VPS13C: variants seen among roughly 807,000 people sequenced by gnomAD.
The protein encoded by VPS13C is intermembrane lipid transfer protein VPS13C.
Under a neutral mutation model 456.8 loss-of-function variants are expected in VPS13C, and 358 were observed. The observed-to-expected ratio is 0.78, with a 90% confidence interval of 0.72 to 0.86. The LOEUF (loss-of-function observed/expected upper bound fraction) is 0.86, where lower values mean the gene tolerates loss of function less well. Ranked by LOEUF, VPS13C falls within the 40% of genes least tolerant of loss-of-function variation. VPS13C has a pLI of 0.00. For missense variants in VPS13C, 4,818 were observed against 4,385.4 expected, an observed-to-expected ratio of 1.10 and a Z score of -2.79; for synonymous variants, 1,578 against 1,486.7, an observed-to-expected ratio of 1.06 and a Z score of -1.41.
chr15:61,930,962 T>A, intron 50 of VPS13C, 128 bp downstream of exon 50: 1 of 1,071,006 alleles, frequency 9.3e-7, no homozygotes, highest in South Asian at 1.4e-5. Context: ...TTAATGCAAT[T>A]CAAATCAGGA....
intron 48 of VPS13C, 94 bp from the exon 49 acceptor site, chr15:61,934,425 G>T: frequency 1.6e-6 from 1 of 607,232 alleles, no homozygotes; most frequent in Non-Finnish European, 2.6e-6. Context: ...TTTATATGAC[G>T]CTTTCTGGGA....
In VPS13C at chr15:62,037,428, AAATAT is replaced by A. The variant is rs1484744319; in HGVS notation, c.188-2381_188-2377del. ...TAAATATATATAATATGTTATATAT[AAATAT>A]AATATATATTAAATAAATATATAAA... On this transcript the variant is annotated intron_variant, in intron 3 of 84. Transcript: ENST00000644861. Among the ~76,000 whole-genome samples, 248 of 69,550 alleles carry A rather than the reference AAATAT, an allele frequency of 3.6e-3. 3 individuals are homozygous for A. The highest frequency in any genetic ancestry group is 6.7e-3 in the Non-Finnish European group (208 of 30,856). The allele number at this position is 69,550 out of a possible 152,430, so 45.6% of individuals were successfully genotyped here. A position where few individuals can be genotyped will look rare whatever the true frequency, so the allele number is the denominator to read the frequency against.
chr15:61,982,674 C>T, intron 20 of VPS13C, 101 bp from the exon 21 acceptor site: 1 of 721,372 alleles, frequency 1.4e-6, no homozygotes. Flanking sequence ...TAGCTTTGAA[C>T]TGTGGAACTC....
At position 62,034,998 on chromosome 15, in the gene VPS13C, G is replaced by T; in HGVS notation, c.242C>A (p.Ala81Glu). Residue 81 changes from alanine to glutamate, a missense_variant, in exon 4 of 85, where the codon GCG becomes GAG. By Grantham distance (107) the Ala-to-Glu change is moderately radical. This residue lies in a region of VPS13C where 4,552 missense variants were observed against 4,130.6 expected (regional missense o/e 1.10). Coordinates refer to ENST00000644861, the MANE Select transcript of VPS13C (RefSeq NM_020821.3). The part of the protein sequence containing the change: ...WKNLYGEAVV[A>E]TLEGLYLLVV... ...AAGCAGGTATAATCCTTCCAGGGTC[G>T]CAACAACTGCTTCTCCATAAAGGTT... 1.2e-6 allele frequency: 2 copies of T among 1,601,790 alleles called. No homozygotes were observed. Among genetic ancestry groups the T allele is most frequent in the Non-Finnish European group, 8.5e-7 (1 of 1,173,076 alleles).
rs77722442 is a variant in VPS13C, at chr15:61,995,721, G to A, written c.1354-3919C>T. On this transcript the variant is annotated intron_variant, in intron 16 of 84. Coordinates refer to ENST00000644861, the MANE Select transcript of VPS13C (RefSeq NM_020821.3). ...GCCACGAAGAGCTAAATTCTGCCAA[G>A]GAAAGTGGATCCTCCATCAGTCACG... Among the ~76,000 whole-genome samples the A allele has an allele frequency of 3.9e-4, 59 of 152,318 alleles. 1 individual carries two copies. In the East Asian group the frequency reaches 9.8e-3, roughly 25 times the overall value.
chr15:62,044,712 T>C (rs943163866), intron 1 of VPS13C, among the ~76,000 whole-genome samples: 14 of 152,312 alleles, frequency 9.2e-5, no homozygotes, highest in South Asian at 4.1e-4. Context: ...CCAAACATTC[T>C]ACCTTCCCAA....
At chr15:61,872,635 G>GT (rs1895119702) in intron 78 of VPS13C, among the ~76,000 whole-genome samples, 1 of 152,042 alleles carries the variant, frequency 6.6e-6, no homozygotes, top group Non-Finnish European at 1.5e-5. Context: ...AGTAATGGTA[G>GT]TAAAATACCT....
At chr15:61,989,732 A>G (rs771046911) in intron 18 of VPS13C, among the ~76,000 whole-genome samples, 2 of 152,208 alleles carry the variant, frequency 1.3e-5, no homozygotes, top group African/African-American at 2.4e-5. Flanking sequence ...GCACCAACCT[A>G]ATACTACTAC....
intron 8 of VPS13C, among the ~76,000 whole-genome samples, chr15:62,022,821 T>C (rs1160097270): frequency 6.6e-6 from 1 of 151,980 alleles, no homozygotes; most frequent in Non-Finnish European, 1.5e-5. Context: ...GCAATGCATA[T>C]TGTTCAAAAT....
At chr15:61,951,649 C>A (rs1170141467) in intron 39 of VPS13C, among the ~76,000 whole-genome samples, 175 bp downstream of exon 39, 1 of 151,874 alleles carries the variant, frequency 6.6e-6, no homozygotes, top group Non-Finnish European at 1.5e-5. Context: ...ATAAATTAAC[C>A]CAGCTTTTCA....
chr15:61,882,060 G>GT (rs1416323299), intron 69 of VPS13C, among the ~76,000 whole-genome samples: 2 of 152,146 alleles, frequency 1.3e-5, no homozygotes, highest in African/African-American at 4.8e-5. Flanking sequence ...ACAGTGTGCA[G>GT]TATGTACATC....
At position 61,961,482 on chromosome 15, in the gene VPS13C, G is replaced by T. The variant is rs2045205868; in HGVS notation, c.3908+107C>A. 8.3e-6 allele frequency: 9 copies of T among 1,090,786 alleles called. No individual in the cohort carries two copies. In the Admixed American group the frequency reaches 2.1e-4, roughly 25 times the overall value. The allele number at this position is 1,090,786 out of a possible 1,614,324, so 67.6% of individuals were successfully genotyped here. Reference sequence around the variant, plus strand: ...AATAAAAAAAACTGTTCCGTGTAATGGAACAGTTTATTTGAATAAACTGTG... The same window carrying T: ...AATAAAAAAAACTGTTCCGTGTAATTGAACAGTTTATTTGAATAAACTGTG... On this transcript the variant is annotated intron_variant, in intron 35 of 84. Transcript: ENST00000644861.
chr15:61,875,985 A>T, intron 75 of VPS13C, 140 bp from the exon 76 acceptor site: 2 of 584,614 alleles, frequency 3.4e-6, no homozygotes, highest in Non-Finnish European at 5.9e-6. Context: ...CACTACCTCC[A>T]CTAATGGATC....
intron 1 of VPS13C, among the ~76,000 whole-genome samples, chr15:62,048,493 C>T (rs2048505382): frequency 2.0e-5 from 3 of 152,218 alleles, no homozygotes; most frequent in South Asian, 2.1e-4. Flanking sequence ...TTTCTTAATC[C>T]AGTCTATCGT....
At position 61,983,966 on chromosome 15, in the gene VPS13C, G is replaced by C; in HGVS notation, c.1768C>G (p.Gln590Glu). ...GCCACAAGTGATGGCACAATATCCT[G>C]CTGTCTCAAACCTGTTATATACCAG... ...EHWYITGLRQQDIVPSLVASI... is the reference protein window; with the variant it reads ...EHWYITGLRQEDIVPSLVASI... The change falls in exon 20 of 85, where the codon CAG (glutamine) becomes GAG (glutamate). Residue 590 changes from glutamine (Q) to glutamate (E), a missense_variant. Gln to Glu is a conservative substitution (Grantham distance 29). Coordinates refer to ENST00000644861, the MANE Select transcript of VPS13C (RefSeq NM_020821.3). 3 of 1,614,056 alleles carry C rather than the reference G, an allele frequency of 1.9e-6. No homozygotes were observed.
chr15:61,920,510 G>A lies in VPS13C; in HGVS notation c.7200C>T (p.Asn2400=). The change falls in exon 56 of 85, where the codon AAC becomes AAT. Residue 2400 remains asparagine (N), a synonymous_variant. Transcript: ENST00000644861. ...GATTCAGACATACTTTTGCTAAATT[G>A]TTGAAAACATTAAGACAACTTTTGG... is the stretch of plus-strand genomic sequence containing the variant. ...TISKSCLNVF[N]NLAKGFSEGT... 1.3e-6 allele frequency: 2 copies of A among 1,532,290 alleles called. No individual in the cohort carries two copies. Among genetic ancestry groups the A allele is most frequent in the Non-Finnish European group, 1.8e-6 (2 of 1,140,734 alleles). 94.9% of individuals were successfully genotyped at this position (1,532,290 alleles called of 1,614,324 possible).
intron 47 of VPS13C, 89 bp downstream of exon 47, chr15:61,940,558 C>T: frequency 7.6e-7 from 1 of 1,315,286 alleles, no homozygotes; most frequent in Non-Finnish European, 1.0e-6. Context: ...CGTAGCAACT[C>T]CTACATTCTG....
Position 61,961,665 on chromosome 15 carries a change from C to G in VPS13C, c.3832G>C (p.Val1278Leu). The G allele has an allele frequency of 6.2e-7, 1 of 1,613,904 alleles. No individual in the cohort carries two copies. Among genetic ancestry groups the G allele is most frequent in the Non-Finnish European group, 8.5e-7 (1 of 1,179,900 alleles). Residue 1278 changes from valine (V) to leucine (L), a missense_variant, in exon 35 of 85, where the codon GTG (valine) becomes CTG (leucine). Val to Leu is a conservative substitution (Grantham distance 32). This residue lies in a region of VPS13C where 4,552 missense variants were observed against 4,130.6 expected (regional missense o/e 1.10). Transcript: ENST00000644861. ...GGATTTAAGTAGTCTTCATCAGACACCAGACTGAACTGATTATGAACTCTG... is the reference window on the plus strand; with the variant it reads ...GGATTTAAGTAGTCTTCATCAGACAGCAGACTGAACTGATTATGAACTCTG... ...LIRVHNQFSLVSDEDYLNPPV... is the reference protein window; with the variant it reads ...LIRVHNQFSLLSDEDYLNPPV...
chr15:62,025,482 C>A (rs1316327572), intron 6 of VPS13C, among the ~76,000 whole-genome samples: 2 of 152,058 alleles, frequency 1.3e-5, no homozygotes, highest in African/African-American at 4.8e-5. Flanking sequence ...AGTAAGAAAG[C>A]CAGTCTAGCC....
Sources: allele counts gnomAD v4.1 joint callset (sites outside exome capture counted in the v4.1 genomes callset), GRCh38; gene constraint gnomAD v4.1.1; regional missense constraint gnomAD v4.1.1; transcripts MANE v1.5; gene names NCBI Gene and HGNC (gene_info 2026-07-23, HGNC 2026-07-21).